The following CTCF variants were observed in gnomAD, a reference collection of about 807,000 sequenced individuals.
CTCF encodes the protein CCCTC-binding factor, also known as transcriptional repressor CTCF.
In CTCF, 7 loss-of-function variants were observed where a neutral mutation model predicts 72.3. The observed-to-expected ratio is 0.10, with a 90% CI of 0.06 to 0.18. The LOEUF is 0.18. CTCF is among the 10% of genes least tolerant of loss of function. The pLI, the probability that CTCF is intolerant of heterozygous loss-of-function variation, is 1.00. For missense variants in CTCF, 516 were observed against 949.1 expected (o/e 0.54, Z 6.00); for synonymous variants, 374 against 315.8 (o/e 1.18, Z -1.95).
At chr16:67,576,211 G>T (rs1038432807) in intron 2 of CTCF, among the ~76,000 whole-genome samples, 1 of 148,882 alleles carries the variant, frequency 6.7e-6, no homozygotes, top group East Asian at 2.0e-4. Context: ...TTTTTTAATA[G>T]CATAATACCA....
At chr16:67,625,162 A>G (rs749417400) in intron 7 of CTCF, among the ~76,000 whole-genome samples, 7 of 152,046 alleles carry the variant, frequency 4.6e-5, no homozygotes, top group Non-Finnish European at 7.4e-5. Flanking sequence ...TCCTGACCTC[A>G]GGTGATCCAC....
At position 67,610,907 on chromosome 16, in the gene CTCF, C is replaced by T. The variant is rs1555534067; in HGVS notation, c.75C>T (p.Tyr25=). The change falls in exon 3 of 12, where the codon TAC becomes TAT. Residue 25 remains tyrosine, a synonymous_variant. Transcript: ENST00000264010. ...TTAAAGGAAAGGAGAGAAAGACTTA[C>T]CAGAGACGCCGGGAAGGGGGCCAGG... ...TFIKGKERKT[Y]QRRREGGQEE... The T allele has an allele frequency of 2.6e-6, 4 of 1,531,100 alleles. No homozygotes were observed. The highest frequency in any genetic ancestry group is 3.5e-6 in the Non-Finnish European group (4 of 1,139,050). 94.8% of individuals were successfully genotyped at this position (1,531,100 alleles called of 1,614,324 possible).
intron 10 of CTCF, among the ~76,000 whole-genome samples, chr16:67,635,263 A>G (rs1044182256): frequency 6.6e-6 from 1 of 150,590 alleles, no homozygotes; most frequent in Non-Finnish European, 1.5e-5. Context: ...CTTGTGATCC[A>G]CCCGCCTCAG....
At chr16:67,617,618 G>C (rs972261558) in intron 5 of CTCF, among the ~76,000 whole-genome samples, 5 of 152,112 alleles carry the variant, frequency 3.3e-5, no homozygotes, top group Admixed American at 3.3e-4. Flanking sequence ...GGAGGTGGAG[G>C]TTGCAGTGAG....
intron 2 of CTCF, among the ~76,000 whole-genome samples, chr16:67,592,022 A>T (rs1436649737): frequency 6.6e-6 from 1 of 152,034 alleles, no homozygotes; most frequent in Non-Finnish European, 1.5e-5. Flanking sequence ...CTGATGACTT[A>T]TAATTGCTTT....
intron 9 of CTCF, 122 bp from the exon 10 acceptor site, chr16:67,629,276 A>T (rs1597727309): frequency 1.1e-6 from 1 of 884,444 alleles, no homozygotes; most frequent in Admixed American, 2.8e-5. Context: ...CAGCGTGTTC[A>T]GGACACACTT....
chr16:67,636,545 C>CAAA (rs57092222), intron 10 of CTCF, 145 bp from the exon 11 acceptor site: 3 of 153,470 alleles, frequency 2.0e-5, no homozygotes, highest in African/African-American at 3.7e-5. Flanking sequence ...GAGACTGTCT[C>CAAA]AAAAAAAAAA....
intron 2 of CTCF, among the ~76,000 whole-genome samples, chr16:67,573,992 C>G (rs189674622): frequency 1.7e-3 from 259 of 151,984 alleles, no homozygotes; most frequent in Admixed American, 4.4e-3. Flanking sequence ...GATCATGCCA[C>G]TGTACTCTGG....
intron 11 of CTCF, 90 bp downstream of exon 11, chr16:67,636,941 A>C: frequency 8.2e-7 from 1 of 1,221,324 alleles, no homozygotes; most frequent in South Asian, 2.0e-5. Context: ...GGATGTGGGA[A>C]CTAAGCCATG....
intron 10 of CTCF, among the ~76,000 whole-genome samples, chr16:67,632,530 T>C (rs1414360336): frequency 6.6e-6 from 1 of 152,240 alleles, no homozygotes; most frequent in Non-Finnish European, 1.5e-5. Context: ...ACCCAGAAGT[T>C]CTGCCTGTCG....
chr16:67,581,064 G>A (rs2051574309), intron 2 of CTCF, among the ~76,000 whole-genome samples: 1 of 152,064 alleles, frequency 6.6e-6, no homozygotes, highest in Non-Finnish European at 1.5e-5. Context: ...GAGAAGCTGG[G>A]ACTACAGGCA....
intron 2 of CTCF, among the ~76,000 whole-genome samples, chr16:67,606,870 C>T (rs1239082241): frequency 6.7e-6 from 1 of 149,816 alleles, no homozygotes; most frequent in African/African-American, 2.5e-5. Flanking sequence ...TCAAGCAATT[C>T]TCGAGCCTCA....
In CTCF at chr16:67,575,476, C is replaced by T. The variant is rs542504355; in HGVS notation, c.-10+4212C>T. Among the ~76,000 whole-genome samples the T allele has an allele frequency of 4.0e-4, 61 of 151,982 alleles. No individual in the cohort carries two copies. The South Asian group carries it at 0.011, about 27-fold the overall frequency. On this transcript the variant is annotated intron_variant, in intron 2 of 11. Coordinates refer to ENST00000264010, the MANE Select transcript of CTCF (RefSeq NM_006565.4). ...TCTTTTTTTTTGAGAGATGGAGTCTCGCTCTGTCGCCAGGCTGGAGTGCAG... is the reference window on the plus strand; with the variant it reads ...TCTTTTTTTTTGAGAGATGGAGTCTTGCTCTGTCGCCAGGCTGGAGTGCAG...
At chr16:67,600,909 CAA>C (rs1371108270) in intron 2 of CTCF, among the ~76,000 whole-genome samples, 2 of 151,842 alleles carry the variant, frequency 1.3e-5, no homozygotes, top group Non-Finnish European at 2.9e-5. Context: ...TATTGGTCCA[CAA>C]AAAATATTTG....
At chr16:67,620,889 CTG>C in intron 6 of CTCF, 72 bp downstream of exon 6, 1 of 1,273,836 alleles carries the variant, frequency 7.9e-7, no homozygotes, top group Non-Finnish European at 1.1e-6. Context: ...CTGTGGACCA[CTG>C]TGTGTCCCCA....
chr16:67,617,540 G>T (rs1409137519), intron 5 of CTCF, among the ~76,000 whole-genome samples: 1 of 151,998 alleles, frequency 6.6e-6, no homozygotes, highest in Non-Finnish European at 1.5e-5. Context: ...ATATTAGCTG[G>T]GCGTGGTGGT....
At position 67,610,943 on chromosome 16, in the gene CTCF, C is replaced by T; in HGVS notation, c.111C>T (p.Ala37=). 1 of 1,565,324 alleles carries T rather than the reference C, an allele frequency of 6.4e-7. No homozygotes were observed. Among genetic ancestry groups the T allele is most frequent in the Non-Finnish European group, 8.7e-7 (1 of 1,152,644 alleles). Residue 37 remains alanine, a synonymous_variant, in exon 3 of 12, where the codon GCC becomes GCT. Transcript: ENST00000264010. The part of the protein sequence containing the change: ...RRREGGQEED[A]CHLPQNQTDG... ...GGGAAGGGGGCCAGGAAGAAGATGC[C>T]TGCCACTTACCCCAGAACCAGACGG...
chr16:67,564,846 G>A lies in CTCF; in HGVS notation c.-127+2122G>A, dbSNP rs142027063. Among the ~76,000 whole-genome samples the A allele has an allele frequency of 7.9e-5, 12 of 152,176 alleles. No individual in the cohort carries two copies. In the South Asian group the frequency reaches 1.2e-3, roughly 16 times the overall value. ...AGTCATCAGCTTCTTGGGTTTATACGTCATTTATGCTGTTTTAGTGGAATA... is the reference window on the plus strand; with the variant it reads ...AGTCATCAGCTTCTTGGGTTTATACATCATTTATGCTGTTTTAGTGGAATA... On this transcript the variant is annotated intron_variant, in intron 1 of 11. Coordinates refer to ENST00000264010, the MANE Select transcript of CTCF (RefSeq NM_006565.4).
chr16:67,604,436 A>G (rs1357099123), intron 2 of CTCF, among the ~76,000 whole-genome samples: 1 of 152,038 alleles, frequency 6.6e-6, no homozygotes, highest in Non-Finnish European at 1.5e-5. Flanking sequence ...TCCACCTCCC[A>G]GGTTCACACC....
Sources: gnomAD v4.1 joint callset for allele counts (sites outside exome capture counted in the v4.1 genomes callset) on GRCh38, gnomAD v4.1.1 for gene constraint, MANE v1.5 for transcripts, NCBI Gene and HGNC (gene_info 2026-07-23, HGNC 2026-07-21) for gene names.